BTBD8: variants seen among roughly 807,000 people sequenced by gnomAD.
BTBD8 encodes the protein BTB domain containing 8, also known as BTB/POZ domain-containing protein 8.
A neutral mutation model predicts 162.9 loss-of-function variants in BTBD8; 110 were observed. The ratio of observed to expected loss-of-function variants is 0.68; its 90% confidence interval spans 0.58 to 0.79. BTBD8 has a LOEUF of 0.79. Ranked by LOEUF, BTBD8 falls within the 30% of genes least tolerant of loss-of-function variation. The pLI, the probability that BTBD8 is intolerant of heterozygous loss-of-function variation, is 0.00. For missense variants in BTBD8, 1,905 were observed against 2,085.4 expected (o/e 0.91, Z 1.68); for synonymous variants, 667 against 716.1 (o/e 0.93, Z 1.10).
chr1:92,168,499 T>C (rs1164646703), intron 11 of BTBD8, among the ~76,000 whole-genome samples: 1 of 152,192 alleles, frequency 6.6e-6, no homozygotes, highest in East Asian at 1.9e-4. Flanking sequence ...TTACAAATTA[T>C]TGGCATTCTG....
chr1:92,145,155 G>A (rs980740470), intron 7 of BTBD8, among the ~76,000 whole-genome samples: 3 of 152,074 alleles, frequency 2.0e-5, no homozygotes, highest in Non-Finnish European at 4.4e-5. Context: ...GTAGAAATGG[G>A]GTTTTGCCAT....
At chr1:92,147,957 A>G (rs1199245892) in intron 9 of BTBD8, 171 bp downstream of exon 9, 11 of 592,062 alleles carry the variant, frequency 1.9e-5, no homozygotes, top group Non-Finnish European at 2.6e-5. Context: ...ACCACTCTGC[A>G]TACCCAGCTC....
At chr1:92,112,704 T>C (rs1012558082) in intron 4 of BTBD8, among the ~76,000 whole-genome samples, 15 of 152,208 alleles carry the variant, frequency 9.9e-5, no homozygotes, top group African/African-American at 3.4e-4. Context: ...AGTCAATGGA[T>C]GTCACAAAAT....
chr1:92,156,823 C>A (rs966731355), intron 9 of BTBD8, among the ~76,000 whole-genome samples: 1 of 151,834 alleles, frequency 6.6e-6, no homozygotes, highest in African/African-American at 2.4e-5. Context: ...TTATTTGCAT[C>A]TTCTCTGCTT....
At chr1:92,115,225 A>G in intron 4 of BTBD8, 2 of 491,422 alleles carry the variant, frequency 4.1e-6, no homozygotes, top group South Asian at 3.6e-5. Context: ...ATCACACCAC[A>G]GTTTCCCAGA....
Position 92,177,802 on chromosome 1 carries a change from A to C in BTBD8, c.2354-9A>C, listed in dbSNP as rs1298738651. 4 of 1,483,454 alleles carry C rather than the reference A, an allele frequency of 2.7e-6. No homozygotes were observed. The highest frequency in any genetic ancestry group is 3.7e-6 in the Non-Finnish European group (4 of 1,087,484). The allele number at this position is 1,483,454 out of a possible 1,614,324, so 91.9% of individuals were successfully genotyped here. ...TCTCTCTTATGACTCACTTTTTCTT[A>C]ATTTATAGCCATAAAATCTCGACCT... is the stretch of plus-strand genomic sequence containing the variant. On this transcript the variant is annotated splice_polypyrimidine_tract_variant and intron_variant, in intron 14 of 17. Transcript: ENST00000636805.
chr1:92,093,705 G>A (rs1011639516), intron 2 of BTBD8, among the ~76,000 whole-genome samples: 4 of 152,186 alleles, frequency 2.6e-5, no homozygotes, highest in South Asian at 2.1e-4. Flanking sequence ...AGCACTTAGC[G>A]CAGTGGCCTG....
chr1:92,167,960 T>G lies in BTBD8; in HGVS notation c.1418T>G (p.Leu473Arg). The change falls in exon 11 of 18, where the codon CTG becomes CGG. Residue 473 changes from leucine (L) to arginine (R), a missense_variant. By Grantham distance (102) the Leu-to-Arg change is moderately radical (BLOSUM62 -2). Coordinates refer to ENST00000636805, the MANE Select transcript of BTBD8 (RefSeq NM_001376131.1). ...CTTCTTATGGCTCTGGACACACTGC[T>G]GAACTCTGACAGTACAAAGGAAATG... ...CSLLMALDTL[L>R]NSDSTKEMGF... 2 of 1,548,696 alleles carry G rather than the reference T, an allele frequency of 1.3e-6. No individual in the cohort carries two copies. Among genetic ancestry groups the G allele is most frequent in the Non-Finnish European group, 1.7e-6 (2 of 1,145,116 alleles).
intron 4 of BTBD8, chr1:92,125,810 G>C (rs1557448534): frequency 4.9e-6 from 2 of 408,428 alleles, no homozygotes; most frequent in East Asian, 1.2e-4. Flanking sequence ...ACTGGAGAGA[G>C]ACAGTGATTC....
At chr1:92,085,404 C>A (rs1375388908) in intron 1 of BTBD8, among the ~76,000 whole-genome samples, 1 of 152,088 alleles carries the variant, frequency 6.6e-6, no homozygotes, top group African/African-American at 2.4e-5. Context: ...CCAGCCTGGC[C>A]AACATAGTGA....
In BTBD8 at chr1:92,184,032, C is replaced by G; in HGVS notation, c.5081C>G (p.Ala1694Gly). ...DMDFEDDQHF[A>G]KQDWTLLKQL... The stretch of plus-strand genomic sequence containing the variant: ...GATTTTGAAGATGACCAACATTTTG[C>G]AAAACAAGATTGGACACTACTAAAG... The change falls in exon 18 of 18, where the codon GCA (alanine) becomes GGA (glycine). Residue 1694 changes from alanine (A) to glycine (G), a missense_variant. Coordinates refer to ENST00000636805, the MANE Select transcript of BTBD8 (RefSeq NM_001376131.1). 6.4e-7 allele frequency: 1 copy of G among 1,551,520 alleles called. No individual in the cohort carries two copies. Among genetic ancestry groups the G allele is most frequent in the African/African-American group, 1.4e-5 (1 of 73,128 alleles).
rs763790156 is a variant in BTBD8 at position 92,080,626 on chromosome 1, G to A, written c.55G>A (p.Gly19Arg). 1 of 1,614,052 alleles carries A rather than the reference G, an allele frequency of 6.2e-7. No homozygotes were observed. The highest frequency in any genetic ancestry group is 1.3e-5 in the African/African-American group (1 of 75,058). The change falls in exon 1 of 18, where the codon GGA becomes AGA. Residue 19 changes from glycine to arginine, a missense_variant. This residue lies in a region of BTBD8 where 1,374 missense variants were observed against 1,442.7 expected (regional missense o/e 0.95). Transcript: ENST00000636805. ...AAPMVLLGSA[G>R]VCSKGLQRKG... is the part of the protein sequence containing the mutation. ...CCCCATGGTACTTCTGGGGTCCGCT[G>A]GAGTTTGCAGTAAGGGGTTGCAAAG...
intron 9 of BTBD8, among the ~76,000 whole-genome samples, chr1:92,152,906 T>G (rs1466123332): frequency 6.6e-6 from 1 of 152,210 alleles, no homozygotes; most frequent in Non-Finnish European, 1.5e-5. Flanking sequence ...AAAATTTGTC[T>G]TTGTGGATAA....
At chr1:92,165,826 A>G (rs1192302064) in intron 9 of BTBD8, among the ~76,000 whole-genome samples, 1 of 152,194 alleles carries the variant, frequency 6.6e-6, no homozygotes, top group Non-Finnish European at 1.5e-5. Flanking sequence ...TAGAACTTGC[A>G]CATCACCACT....
chr1:92,116,668 G>A (rs1649048691), intron 4 of BTBD8, among the ~76,000 whole-genome samples: 1 of 151,848 alleles, frequency 6.6e-6, no homozygotes, highest in Admixed American at 6.5e-5. Context: ...TGTTTATGTG[G>A]TATTCTTTTT....
chr1:92,086,825 G>A (rs1428294585), intron 1 of BTBD8, among the ~76,000 whole-genome samples: 1 of 152,150 alleles, frequency 6.6e-6, no homozygotes, highest in African/African-American at 2.4e-5. Flanking sequence ...GGCCCTTGCA[G>A]ATGCCAGCAC....
In BTBD8 at chr1:92,128,841, C is replaced by G. The variant is rs80006351; in HGVS notation, c.663-846C>G. Among the ~76,000 whole-genome samples, 1,258 of 152,268 alleles carry G rather than the reference C, an allele frequency of 8.3e-3. 22 individuals are homozygous for G. Among genetic ancestry groups the G allele is most frequent in the African/African-American group, 0.028 (1,168 of 41,552 alleles). On this transcript the variant is annotated intron_variant, in intron 4 of 17. Transcript: ENST00000636805. The stretch of plus-strand genomic sequence containing the variant: ...CAAGCATTTTTCCATCTGCGTGCAA[C>G]TGGCTCTGATTATTGGTCACCTCTC...
At chr1:92,148,541 G>T (rs899377699) in intron 9 of BTBD8, among the ~76,000 whole-genome samples, 1 of 152,150 alleles carries the variant, frequency 6.6e-6, no homozygotes. Context: ...TATCCTCCAG[G>T]ATGCAATACA....
In BTBD8 at chr1:92,182,206, G is replaced by A. The variant is rs1351242289; in HGVS notation, c.4523G>A (p.Cys1508Tyr). ...ECKQNKGNSV[C>Y]KNESTVLDLS... is the part of the protein sequence containing the mutation. ...AAACAAAATAAAGGCAATAGTGTAT[G>A]TAAAAATGAAAGCACTGTCTTGGAT... is the stretch of plus-strand genomic sequence containing the variant. Residue 1508 changes from cysteine (C) to tyrosine (Y), a missense_variant, in exon 17 of 18, where the codon TGT becomes TAT. Transcript: ENST00000636805. The A allele has an allele frequency of 1.3e-6, 2 of 1,550,532 alleles. No homozygotes were observed. The highest frequency in any genetic ancestry group is 1.2e-5 in the South Asian group (1 of 83,864).
Sources: gnomAD v4.1 joint callset for allele counts (sites outside exome capture counted in the v4.1 genomes callset) on GRCh38, gnomAD v4.1.1 for gene constraint, gnomAD v4.1.1 regional missense constraint, MANE v1.5 for transcripts, NCBI Gene and HGNC (gene_info 2026-07-23, HGNC 2026-07-21) for gene names.